Variants in MME observed in about 807,000 individuals in gnomAD.
MME encodes the protein membrane metalloendopeptidase.
Under a neutral mutation model 113.2 loss-of-function variants are expected in MME, and 98 were observed. The observed-to-expected ratio is 0.87, with a 90% CI of 0.74 to 1.02. The LOEUF is 1.02. Ranked by LOEUF, MME falls within the 50% of genes least tolerant of loss-of-function variation. The pLI is 0.00. For missense variants in MME, 836 were observed against 896.0 expected (o/e 0.93, Z 0.86); for synonymous variants, 292 against 300.6 (o/e 0.97, Z 0.30).
intron 1 of MME, among the ~76,000 whole-genome samples, chr3:155,062,941 C>A (rs1714199758): frequency 6.8e-6 from 1 of 146,200 alleles, no homozygotes; most frequent in African/African-American, 2.5e-5. Context: ...AAGGCTGAGG[C>A]AGGAGAATCA....
chr3:155,042,942 A>ATATATG (rs1713408004), intron 1 of MME, among the ~76,000 whole-genome samples: 1 of 117,074 alleles, frequency 8.5e-6, no homozygotes, highest in African/African-American at 3.5e-5. Flanking sequence ...ATATATATGT[A>ATATATG]TATATATATA....
At chr3:155,036,905 G>C (rs908988114) in intron 1 of MME, among the ~76,000 whole-genome samples, 1 of 152,102 alleles carries the variant, frequency 6.6e-6, no homozygotes, top group Admixed American at 6.6e-5. Flanking sequence ...TTCATTTCAA[G>C]TTAGTTTTTG....
At chr3:155,143,341 A>G in intron 12 of MME, 102 bp from the exon 13 acceptor site, 1 of 1,349,764 alleles carries the variant, frequency 7.4e-7, no homozygotes, top group Non-Finnish European at 1.1e-6. Flanking sequence ...GAAGTGATGA[A>G]TATTTCAAGA....
intron 8 of MME, among the ~76,000 whole-genome samples, chr3:155,133,726 TATATAC>T (rs1720385157): frequency 6.9e-6 from 1 of 145,680 alleles, no homozygotes; most frequent in Admixed American, 7.0e-5. Context: ...ATGGTGTGTA[TATATAC>T]ATATATATGG....
intron 18 of MME, among the ~76,000 whole-genome samples, chr3:155,167,773 G>A (rs1711509735): frequency 6.6e-6 from 1 of 152,100 alleles, no homozygotes; most frequent in South Asian, 2.1e-4. Context: ...TTACAGGTAG[G>A]TTCTAATACT....
At chr3:155,177,977 G>A (rs1259379670) in intron 22 of MME, among the ~76,000 whole-genome samples, 1 of 152,084 alleles carries the variant, frequency 6.6e-6, no homozygotes, top group African/African-American at 2.4e-5. Flanking sequence ...GAGCTCCAGA[G>A]CCTCCACTCT....
In MME at chr3:155,168,551, A is replaced by T. The variant is rs745350344; in HGVS notation, c.1840A>T (p.Asn614Tyr). Residue 614 changes from asparagine (N) to tyrosine (Y), a missense_variant, in exon 19 of 23, where the codon AAC (asparagine) becomes TAC (tyrosine). Asn to Tyr is a moderately radical substitution (Grantham distance 143). Coordinates refer to ENST00000360490, the MANE Select transcript of MME (RefSeq NM_007289.4). Reference protein sequence around the residue: ...VDWWTQQSASNFKEQSQCMVY... With the variant: ...VDWWTQQSASYFKEQSQCMVY... ...CTGGTGGACTCAACAGTCTGCAAGT[A>T]ACTTTAAGGAGCAATCCCAGTGCAT... is the stretch of plus-strand genomic sequence containing the variant. 6.2e-7 allele frequency: 1 copy of T among 1,613,670 alleles called. No individual in the cohort carries two copies.
At chr3:155,171,468 G>T (rs1711963585) in intron 20 of MME, among the ~76,000 whole-genome samples, 1 of 152,040 alleles carries the variant, frequency 6.6e-6, no homozygotes, top group Non-Finnish European at 1.5e-5. Flanking sequence ...ATTTAGTAGA[G>T]GAAAACTCAT....
chr3:155,056,007 A>G (rs1298757111), intron 1 of MME, among the ~76,000 whole-genome samples: 1 of 151,988 alleles, frequency 6.6e-6, no homozygotes, highest in Admixed American at 6.6e-5. Flanking sequence ...TTCACTTACC[A>G]TCACTCACCA....
intron 3 of MME, among the ~76,000 whole-genome samples, chr3:155,089,331 A>G (rs1473505455): frequency 6.6e-6 from 1 of 152,102 alleles, no homozygotes; most frequent in Non-Finnish European, 1.5e-5. Flanking sequence ...TTGCATTGTA[A>G]CCTCCCTAAC....
At chr3:155,047,018 A>G (rs1302917556) in intron 1 of MME, among the ~76,000 whole-genome samples, 1 of 152,214 alleles carries the variant, frequency 6.6e-6, no homozygotes, top group East Asian at 1.9e-4. Flanking sequence ...AACTTGTTTT[A>G]TATAACTTTA....
chr3:155,148,616 C>T lies in MME; in HGVS notation c.1564C>T (p.Gln522Ter), dbSNP rs1553765316. The T allele has an allele frequency of 6.2e-7, 1 of 1,612,704 alleles. No individual in the cohort carries two copies. Reference sequence around the variant, plus strand: ...AAATTTGAAATTCAGCCAAAGTAAACAACTGAAGAAGCTCCGAGAAAAGGT... The same window carrying T: ...AAATTTGAAATTCAGCCAAAGTAAATAACTGAAGAAGCTCCGAGAAAAGGT... The part of the protein sequence containing the change: ...IQNLKFSQSK[Q>*]LKKLREKVDK... Residue 522 changes from glutamine (Q) to a stop codon, truncating the protein, a stop_gained, in exon 16 of 23, where the codon CAA (glutamine) becomes TAA (stop). Coordinates refer to ENST00000360490, the MANE Select transcript of MME (RefSeq NM_007289.4). LOFTEE classifies it high-confidence loss of function.
At chr3:155,175,290 C>T (rs1239754716) in intron 22 of MME, among the ~76,000 whole-genome samples, 1 of 151,512 alleles carries the variant, frequency 6.6e-6, no homozygotes, top group Non-Finnish European at 1.5e-5. Context: ...TGTTTCTTTC[C>T]TAGTTTTCTT....
intron 7 of MME, 30 bp downstream of exon 7, chr3:155,117,016 A>C (rs1430244514): frequency 8.3e-7 from 1 of 1,198,072 alleles, no homozygotes; most frequent in Non-Finnish European, 1.2e-6. Context: ...AACTAAAGTT[A>C]CCTTTAAATT....
chr3:155,053,733 G>T (rs1040921241), intron 1 of MME, among the ~76,000 whole-genome samples: 1 of 152,154 alleles, frequency 6.6e-6, no homozygotes, highest in African/African-American at 2.4e-5. Context: ...GGCTGATAGA[G>T]CTATTCAGTC....
chr3:155,151,129 C>G (rs1276028995), intron 16 of MME, among the ~76,000 whole-genome samples: 2 of 151,932 alleles, frequency 1.3e-5, no homozygotes, highest in Admixed American at 6.6e-5. Context: ...TTTTGTGGAG[C>G]ACCAAGTTCA....
intron 22 of MME, among the ~76,000 whole-genome samples, chr3:155,180,114 C>G (rs759147082): frequency 7.9e-5 from 12 of 152,324 alleles, no homozygotes; most frequent in Non-Finnish European, 1.5e-4. Context: ...AAAGAAGCTT[C>G]ATAAGCAGGA....
At chr3:155,063,677 A>ATT (rs1714272407) in intron 1 of MME, among the ~76,000 whole-genome samples, 1 of 123,208 alleles carries the variant, frequency 8.1e-6, no homozygotes, top group Non-Finnish European at 1.7e-5. Context: ...TATATATTAT[A>ATT]TTATATTATA....
At chr3:155,124,466 C>G (rs1028850380) in intron 8 of MME, among the ~76,000 whole-genome samples, 49 of 152,254 alleles carry the variant, frequency 3.2e-4, no homozygotes, top group Non-Finnish European at 5.4e-4. Flanking sequence ...TGGTGAGGAA[C>G]TGCGTTCCTT....
Sources: allele counts gnomAD v4.1 joint callset (sites outside exome capture counted in the v4.1 genomes callset), GRCh38; gene constraint gnomAD v4.1.1; transcripts MANE v1.5; gene names NCBI Gene and HGNC (gene_info 2026-07-23, HGNC 2026-07-21).